The following LRRC4C variants were observed in gnomAD, a reference collection of about 807,000 sequenced individuals.
The protein encoded by LRRC4C is leucine rich repeat containing 4C, also known as leucine-rich repeat-containing protein 4C.
LRRC4C carries 5 observed loss-of-function variants against 33.6 expected under a neutral mutation model. The ratio of observed to expected loss-of-function variants is 0.15; its 90% CI spans 0.08 to 0.31. The LOEUF (loss-of-function observed/expected upper bound fraction) is 0.31. LRRC4C is among the 10% of genes least tolerant of loss of function. The pLI is 1.00. For synonymous variants in LRRC4C, 329 were observed against 302.0 expected, an observed-to-expected ratio of 1.09 and a Z score of -0.93; for missense variants, 560 against 796.7, an observed-to-expected ratio of 0.70 and a Z score of 3.58.
intron 3 of LRRC4C, among the ~76,000 whole-genome samples, chr11:40,429,884 C>CT (rs1325988082): frequency 6.6e-6 from 1 of 152,162 alleles, no homozygotes; most frequent in Non-Finnish European, 1.5e-5. Flanking sequence ...TCCTTTTGCT[C>CT]TTTTTCTCCA....
At chr11:40,935,376 C>T (rs1957824908) in intron 1 of LRRC4C, among the ~76,000 whole-genome samples, 1 of 152,142 alleles carries the variant, frequency 6.6e-6, no homozygotes, top group South Asian at 2.1e-4. Flanking sequence ...TCTGACAAAA[C>T]AGAGCCATGT....
chr11:41,230,459 C>A (rs915715861), intron 1 of LRRC4C, among the ~76,000 whole-genome samples: 5 of 152,076 alleles, frequency 3.3e-5, no homozygotes, highest in Admixed American at 3.3e-4. Flanking sequence ...CTTTACCTTA[C>A]CATTACGGAT....
At position 40,660,074 on chromosome 11, in the gene LRRC4C, C is replaced by T. The variant is rs377009163; in HGVS notation, c.-406-11796G>A. Among the ~76,000 whole-genome samples the T allele has an allele frequency of 2.6e-5, 4 of 152,330 alleles. No homozygotes were observed. The South Asian group carries it at 6.2e-4, about 24-fold the overall frequency. ...CCTTGTGTTTCCAAGCTTCTGAGCG[C>T]CACTGCATTCTCCTTGTCCACACAC... is the stretch of plus-strand genomic sequence containing the variant. On this transcript the variant is annotated intron_variant, in intron 2 of 6. Transcript: ENST00000528697.
chr11:40,295,585 G>T (rs780269861), intron 4 of LRRC4C, among the ~76,000 whole-genome samples: 4 of 151,956 alleles, frequency 2.6e-5, no homozygotes, highest in African/African-American at 9.7e-5. Flanking sequence ...TATACTCCAC[G>T]GTATTTCCTT....
intron 2 of LRRC4C, among the ~76,000 whole-genome samples, chr11:40,707,745 C>T (rs1320640596): frequency 6.6e-6 from 1 of 152,114 alleles, no homozygotes; most frequent in East Asian, 1.9e-4. Context: ...AGGGAGGATT[C>T]CCTCTTTTTC....
chr11:40,122,626 T>C (rs961594815), intron 6 of LRRC4C, among the ~76,000 whole-genome samples: 2 of 152,088 alleles, frequency 1.3e-5, no homozygotes, highest in African/African-American at 2.4e-5. Context: ...TTCCTTACCA[T>C]CATAATCAAT....
At chr11:41,007,826 T>C (rs920681442) in intron 1 of LRRC4C, among the ~76,000 whole-genome samples, 1 of 152,120 alleles carries the variant, frequency 6.6e-6, no homozygotes, top group Non-Finnish European at 1.5e-5. Context: ...TCAAGGTTCA[T>C]ATCCAACTTA....
At position 40,576,359 on chromosome 11, in the gene LRRC4C, C is replaced by T. The variant is rs562740005; in HGVS notation, c.-270+71783G>A. ...TTTGGTCACTGTCTTATTCTTATGA[C>T]GGCAATGTATGCTTCTAGACCAGTT... is the stretch of plus-strand genomic sequence containing the variant. On this transcript the variant is annotated intron_variant, in intron 3 of 6. Coordinates refer to ENST00000528697, the MANE Select transcript of LRRC4C (RefSeq NM_001258419.2). Among the ~76,000 whole-genome samples the T allele has an allele frequency of 1.2e-4, 19 of 152,298 alleles. No homozygotes were observed. The South Asian group carries it at 1.7e-3, about 13-fold the overall frequency.
At chr11:41,121,940 A>AG (rs1405512687) in intron 1 of LRRC4C, among the ~76,000 whole-genome samples, 2 of 151,908 alleles carry the variant, frequency 1.3e-5, no homozygotes, top group Admixed American at 6.6e-5. Flanking sequence ...TACAAAAAAA[A>AG]AATCTCATCT....
At chr11:40,986,462 G>A (rs1382740523) in intron 1 of LRRC4C, among the ~76,000 whole-genome samples, 1 of 152,112 alleles carries the variant, frequency 6.6e-6, no homozygotes. Flanking sequence ...AGCTGGGTGT[G>A]GTGGGACACA....
intron 4 of LRRC4C, among the ~76,000 whole-genome samples, chr11:40,249,263 T>C (rs911620137): frequency 2.0e-5 from 3 of 152,062 alleles, no homozygotes; most frequent in African/African-American, 7.2e-5. Context: ...CTCTTGAACC[T>C]GAGAGGCGGA....
At chr11:40,680,695 C>A (rs1446836589) in intron 2 of LRRC4C, among the ~76,000 whole-genome samples, 1 of 152,278 alleles carries the variant, frequency 6.6e-6, no homozygotes, top group South Asian at 2.1e-4. Flanking sequence ...GCCCCATCAG[C>A]CATATGGGAC....
chr11:40,640,513 AT>A (rs1027373140), intron 3 of LRRC4C, among the ~76,000 whole-genome samples: 15 of 148,810 alleles, frequency 1.0e-4, no homozygotes, highest in South Asian at 2.1e-4. Context: ...TTTTCTATAT[AT>A]TTTTTTTTAA....
chr11:41,409,307 G>A (rs1489338288), intron 1 of LRRC4C, among the ~76,000 whole-genome samples: 2 of 152,066 alleles, frequency 1.3e-5, no homozygotes, highest in Non-Finnish European at 2.9e-5. Context: ...AAAAATAATC[G>A]TGACCAAGGA....
rs572132081 is a variant in LRRC4C at position 40,432,926 on chromosome 11, A to G, written c.-269-113205T>C. ...AATGTTAGCAATGAATGTAAAATCA[A>G]TAAGTTTATTTATTTTCATCTTGAA... On this transcript the variant is annotated intron_variant, in intron 3 of 6. Coordinates refer to ENST00000528697, the MANE Select transcript of LRRC4C (RefSeq NM_001258419.2). Among the ~76,000 whole-genome samples the G allele has an allele frequency of 2.6e-4, 40 of 152,284 alleles. 1 individual carries two copies. In the South Asian group the frequency reaches 7.9e-3, roughly 30 times the overall value.
intron 1 of LRRC4C, among the ~76,000 whole-genome samples, chr11:41,236,962 CAA>C (rs1948051910): frequency 6.6e-6 from 1 of 152,178 alleles, no homozygotes; most frequent in African/African-American, 2.4e-5. Context: ...TTTTGGTAAA[CAA>C]GAGGCAAAGC....
intron 1 of LRRC4C, among the ~76,000 whole-genome samples, chr11:41,341,612 A>T (rs767554291): frequency 2.0e-5 from 3 of 152,202 alleles, no homozygotes; most frequent in Non-Finnish European, 4.4e-5. Flanking sequence ...TATCTACCTT[A>T]TGAAGAAGCT....
At chr11:41,384,996 T>TA (rs1042646633) in intron 1 of LRRC4C, among the ~76,000 whole-genome samples, 19 of 150,604 alleles carry the variant, frequency 1.3e-4, no homozygotes, top group Non-Finnish European at 1.8e-4. Flanking sequence ...TATCTCAAGG[T>TA]AAAAAAGCAT....
At chr11:40,394,379 C>CTAGG (rs1304921738) in intron 3 of LRRC4C, among the ~76,000 whole-genome samples, 1 of 152,082 alleles carries the variant, frequency 6.6e-6, no homozygotes, top group Non-Finnish European at 1.5e-5. Context: ...CTTCAAGGGG[C>CTAGG]TAGGACAAAT....
Sources: allele counts gnomAD v4.1 joint callset (sites outside exome capture counted in the v4.1 genomes callset), GRCh38; gene constraint gnomAD v4.1.1; transcripts MANE v1.5; gene names NCBI Gene and HGNC (gene_info 2026-07-23, HGNC 2026-07-21).